The following HMCN1 variants were observed in gnomAD, a reference collection of about 807,000 sequenced individuals.
HMCN1 encodes the protein hemicentin-1.
HMCN1 carries 321 observed loss-of-function variants against 625.9 expected under a neutral mutation model. The ratio of observed to expected loss-of-function variants is 0.51; its 90% CI spans 0.47 to 0.56. HMCN1 has a LOEUF of 0.56. HMCN1 is among the 20% of genes least tolerant of loss of function. The pLI is 0.00. For synonymous variants in HMCN1, 2,425 were observed against 2,417.6 expected (o/e 1.00, Z -0.09); for missense variants, 6,588 against 6,887.3 (o/e 0.96, Z 1.54).
rs75593649 is a variant in HMCN1 at position 185,866,188 on chromosome 1, A to G, written c.621+325A>G. On this transcript the variant is annotated intron_variant, in intron 4 of 106. Transcript: ENST00000271588. The stretch of plus-strand genomic sequence containing the variant: ...GATGAATAACTTTCATATAGCTATT[A>G]AAATGAGGCTAAACTGGTTACTGAA... 1.8e-3 allele frequency among the ~76,000 whole-genome samples: 268 copies of G among 152,216 alleles called. 5 individuals are homozygous for G. In the East Asian group the frequency reaches 0.031, roughly 18 times the overall value.
At chr1:185,956,290 T>C (rs1393296045) in intron 11 of HMCN1, among the ~76,000 whole-genome samples, 5 of 152,134 alleles carry the variant, frequency 3.3e-5, no homozygotes, top group Admixed American at 2.0e-4. Flanking sequence ...ATCCCACAGA[T>C]TGAAGGCTCC....
At chr1:186,139,212 A>G (rs1306070244) in intron 89 of HMCN1, among the ~76,000 whole-genome samples, 1 of 152,242 alleles carries the variant, frequency 6.6e-6, no homozygotes, top group African/African-American at 2.4e-5. Context: ...TAAAAAATGA[A>G]TCAAAGTTTT....
In HMCN1 at chr1:185,962,619, G is replaced by A; in HGVS notation, c.1930G>A (p.Ala644Thr). 3 of 1,589,988 alleles carry A rather than the reference G, an allele frequency of 1.9e-6. No individual in the cohort carries two copies. The East Asian group carries it at 6.7e-5, about 36-fold the overall frequency. The change falls in exon 12 of 107, where the codon GCC becomes ACC. Residue 644 changes from alanine (A) to threonine (T), a missense_variant. Physicochemically the swap from Ala to Thr is moderately conservative, Grantham distance 58. Around this residue, in one of 3 missense-constraint regions of HMCN1, gnomAD observed 4,628 missense variants for 4,853.1 expected, o/e 0.95. Coordinates refer to ENST00000271588, the MANE Select transcript of HMCN1 (RefSeq NM_031935.3). ...SATGYPKPKIAWTVNDMFIVG... is the reference protein window; with the variant it reads ...SATGYPKPKITWTVNDMFIVG... ...AACAGGTTATCCCAAACCAAAGATT[G>A]CCTGGACCGTTAACGATATGTTTAT... is the stretch of plus-strand genomic sequence containing the variant.
intron 4 of HMCN1, 26 bp from the exon 5 acceptor site, chr1:185,909,311 C>T: frequency 6.3e-7 from 1 of 1,585,772 alleles, no homozygotes; most frequent in Non-Finnish European, 8.7e-7. Context: ...TCTGATATCA[C>T]TTACACTTCT....
intron 40 of HMCN1, among the ~76,000 whole-genome samples, chr1:186,043,835 C>T (rs748032391): frequency 4.0e-5 from 6 of 151,890 alleles, no homozygotes; most frequent in Non-Finnish European, 7.4e-5. Context: ...TTTGGGAGGC[C>T]GAGGTGGGTG....
In HMCN1 at chr1:186,065,518, C is replaced by T. The variant is rs530999993; in HGVS notation, c.7705+89C>T. On this transcript the variant is annotated intron_variant, in intron 49 of 106. Transcript: ENST00000271588. ...TCTTTTTCTGTTCAAGTAATGTTTC[C>T]GTCGTAGAATTTCATCATGTAAGGA... 25 of 949,172 alleles carry T rather than the reference C, an allele frequency of 2.6e-5. 1 individual carries two copies. The highest frequency in any genetic ancestry group is 2.0e-4 in the South Asian group (10 of 50,570). The allele number at this position is 949,172 out of a possible 1,614,324, so 58.8% of individuals were successfully genotyped here.
At chr1:185,950,961 A>G (rs1476531694) in intron 11 of HMCN1, among the ~76,000 whole-genome samples, 3 of 150,654 alleles carry the variant, frequency 2.0e-5, no homozygotes, top group Admixed American at 2.0e-4. Context: ...AGGAGAGTTT[A>G]TAGGCTTTAA....
chr1:185,749,518 T>G (rs943565741), intron 1 of HMCN1, among the ~76,000 whole-genome samples: 5 of 152,192 alleles, frequency 3.3e-5, no homozygotes, highest in African/African-American at 1.2e-4. Flanking sequence ...TACATGTGTC[T>G]TCTCCAGCGT....
intron 14 of HMCN1, among the ~76,000 whole-genome samples, chr1:185,968,845 T>G (rs1298551517): frequency 6.6e-6 from 1 of 152,136 alleles, no homozygotes; most frequent in East Asian, 1.9e-4. Flanking sequence ...GGTTCTGTAT[T>G]TATAGCTTCT....
At chr1:185,991,855 A>G (rs183155054) in intron 22 of HMCN1, among the ~76,000 whole-genome samples, 1 of 152,284 alleles carries the variant, frequency 6.6e-6, no homozygotes, top group East Asian at 1.9e-4. Flanking sequence ...AGGCATTGCT[A>G]AATTGCTTTC....
Position 186,043,368 on chromosome 1 carries a change from T to C in HMCN1, c.6304+2232T>C, listed in dbSNP as rs74134298. On this transcript the variant is annotated intron_variant, in intron 40 of 106. Transcript: ENST00000271588. ...AAAAAATACATGTTTTGGTAATATA[T>C]ATCCTTGGCTATAATTAGATTTGCT... 5.7e-3 allele frequency among the ~76,000 whole-genome samples: 862 copies of C among 152,266 alleles called. 7 individuals are homozygous for C. The highest frequency in any genetic ancestry group is 0.019 in the African/African-American group (772 of 41,552).
chr1:185,928,535 C>T lies in HMCN1; in HGVS notation c.1431-11C>T. On this transcript the variant is annotated splice_polypyrimidine_tract_variant and intron_variant, in intron 9 of 106. Transcript: ENST00000271588. ...ATAGTAACTAAAAGTTTTCCATTTT[C>T]TTACCTCCAGAGAATCTGCCAGTGT... 6.2e-7 allele frequency: 1 copy of T among 1,611,594 alleles called. No homozygotes were observed. Among genetic ancestry groups the T allele is most frequent in the South Asian group, 1.1e-5 (1 of 90,982 alleles).
intron 11 of HMCN1, among the ~76,000 whole-genome samples, chr1:185,958,326 C>G (rs1649765878): frequency 6.6e-6 from 1 of 151,976 alleles, no homozygotes; most frequent in African/African-American, 2.4e-5. Flanking sequence ...GCCCTGTTAC[C>G]CAGACTGGTC....
intron 79 of HMCN1, 42 bp downstream of exon 79, chr1:186,119,924 C>A (rs1292525874): frequency 6.2e-7 from 1 of 1,613,882 alleles, no homozygotes; most frequent in South Asian, 1.1e-5. Context: ...CATAGCACAT[C>A]AGTGTTTTAT....
chr1:185,912,612 C>T (rs1486746619), intron 6 of HMCN1, among the ~76,000 whole-genome samples: 1 of 151,950 alleles, frequency 6.6e-6, no homozygotes, highest in Non-Finnish European at 1.5e-5. Context: ...CTAGTATCTG[C>T]ATTTCTGTGT....
chr1:185,920,201 GT>G (rs1341155935), intron 6 of HMCN1, among the ~76,000 whole-genome samples: 7 of 152,128 alleles, frequency 4.6e-5, no homozygotes, highest in Non-Finnish European at 8.8e-5. Context: ...ATACTAAGCT[GT>G]TTTAAAAACT....
intron 11 of HMCN1, among the ~76,000 whole-genome samples, chr1:185,954,186 G>C (rs565499769): frequency 1.8e-4 from 28 of 152,222 alleles, no homozygotes; most frequent in African/African-American, 6.5e-4. Flanking sequence ...CAGGGGATGC[G>C]ATGGCTTGGC....
intron 1 of HMCN1, among the ~76,000 whole-genome samples, chr1:185,775,972 C>T (rs1466698518): frequency 6.6e-6 from 1 of 152,148 alleles, no homozygotes; most frequent in African/African-American, 2.4e-5. Context: ...TAGAAAAGTG[C>T]TGTCTCCCTT....
chr1:185,835,473 A>G (rs772662275), intron 1 of HMCN1, among the ~76,000 whole-genome samples: 1 of 152,192 alleles, frequency 6.6e-6, no homozygotes, highest in Non-Finnish European at 1.5e-5. Flanking sequence ...ATGCTTTCCT[A>G]TTATCAAGTA....
Sources: allele counts gnomAD v4.1 joint callset (sites outside exome capture counted in the v4.1 genomes callset), GRCh38; gene constraint gnomAD v4.1.1; regional missense constraint gnomAD v4.1.1; transcripts MANE v1.5; gene names NCBI Gene and HGNC (gene_info 2026-07-23, HGNC 2026-07-21).